The following DENND1B variants were observed in gnomAD, a reference collection of about 807,000 sequenced individuals.
DENND1B encodes DENN domain-containing protein 1B.
Under a neutral mutation model 90.1 loss-of-function variants are expected in DENND1B, and 59 were observed. The ratio of observed to expected loss-of-function variants is 0.65; its 90% CI spans 0.53 to 0.81. The LOEUF (loss-of-function observed/expected upper bound fraction) is 0.81. Among genes scored for constraint, DENND1B ranks in the 40% least tolerant of loss-of-function variants. The pLI is 0.00. For synonymous variants in DENND1B, 337 were observed against 324.6 expected (o/e 1.04, Z -0.41); for missense variants, 862 against 912.6 (o/e 0.94, Z 0.71).
At chr1:197,693,871 A>T (rs1303810575) in intron 3 of DENND1B, among the ~76,000 whole-genome samples, 2 of 151,560 alleles carry the variant, frequency 1.3e-5, no homozygotes, top group African/African-American at 2.4e-5. Flanking sequence ...ACTGTCATTA[A>T]GCCTTATAAC....
chr1:197,688,430 G>A (rs963275706), intron 3 of DENND1B, among the ~76,000 whole-genome samples: 6 of 152,092 alleles, frequency 3.9e-5, no homozygotes, highest in African/African-American at 1.4e-4. Flanking sequence ...ATATTACAAA[G>A]CTACAGTAAT....
intron 2 of DENND1B, chr1:197,735,699 G>A (rs755832311): frequency 7.4e-6 from 12 of 1,613,820 alleles, no homozygotes; most frequent in South Asian, 3.3e-5. Flanking sequence ...GAGGCGCTAC[G>A]CCAGGACCGA....
At chr1:197,654,332 C>T (rs1653568124) in intron 6 of DENND1B, among the ~76,000 whole-genome samples, 1 of 152,008 alleles carries the variant, frequency 6.6e-6, no homozygotes, top group Admixed American at 6.6e-5. Context: ...TAACTTAGGC[C>T]GGGAGTGGTG....
intron 2 of DENND1B, among the ~76,000 whole-genome samples, chr1:197,768,186 T>C (rs1655945244): frequency 6.6e-6 from 1 of 151,930 alleles, no homozygotes; most frequent in Admixed American, 6.6e-5. Flanking sequence ...CTCCTCCTCG[T>C]CCTCCTCCTT....
Position 197,639,156 on chromosome 1 carries a change from C to T in DENND1B, c.672+3555G>A, listed in dbSNP as rs1025133852. 1.6e-4 allele frequency among the ~76,000 whole-genome samples: 25 copies of T among 151,714 alleles called. 1 individual carries two copies. The highest frequency in any genetic ancestry group is 1.0e-4 in the Non-Finnish European group (7 of 67,934). On this transcript the variant is annotated intron_variant, in intron 10 of 22. Coordinates refer to ENST00000620048, the MANE Select transcript of DENND1B (RefSeq NM_001195215.2). The stretch of plus-strand genomic sequence containing the variant: ...TCGGTTCACTGCAACCTCCGTCTCC[C>T]GGGTTCAAGTGATTCTCTTGCCTCA...
rs76479564 is a variant in DENND1B, at chr1:197,636,461, A to G, written c.672+6250T>C. Reference sequence around the variant, plus strand: ...GCAAAATTGCATAAAGGTTGTAAGCATATACTTTGGAATCATACAGAACTG... The same window carrying G: ...GCAAAATTGCATAAAGGTTGTAAGCGTATACTTTGGAATCATACAGAACTG... On this transcript the variant is annotated intron_variant, in intron 10 of 22. Transcript: ENST00000620048. Among the ~76,000 whole-genome samples the G allele has an allele frequency of 6.7e-4, 102 of 152,294 alleles. No homozygotes were observed. The East Asian group carries it at 0.02, about 29-fold the overall frequency.
chr1:197,779,439 C>G (rs1657376527), upstream of DENND1B, among the ~76,000 whole-genome samples: 1 of 151,982 alleles, frequency 6.6e-6, no homozygotes, highest in Non-Finnish European at 1.5e-5. Flanking sequence ...TTTCTTGACT[C>G]TGGATTGGTG....
intron 2 of DENND1B, among the ~76,000 whole-genome samples, chr1:197,727,607 T>C (rs1661767240): frequency 6.6e-6 from 1 of 152,096 alleles, no homozygotes; most frequent in African/African-American, 2.4e-5. Context: ...AAAAATGCTA[T>C]GTATTTCTAA....
chr1:197,611,099 C>T (rs997143976), intron 12 of DENND1B, among the ~76,000 whole-genome samples: 2 of 150,682 alleles, frequency 1.3e-5, no homozygotes, highest in African/African-American at 2.4e-5. Flanking sequence ...AGAGGAAAAC[C>T]AAAGCTAACT....
intron 18 of DENND1B, among the ~76,000 whole-genome samples, chr1:197,542,182 C>CT (rs1448916683): frequency 6.6e-6 from 1 of 152,162 alleles, no homozygotes; most frequent in Non-Finnish European, 1.5e-5. Context: ...AAAGATGACT[C>CT]TGAAAACCGT....
At chr1:197,695,555 A>G (rs1421529195) in intron 3 of DENND1B, among the ~76,000 whole-genome samples, 1 of 150,962 alleles carries the variant, frequency 6.6e-6, no homozygotes, top group African/African-American at 2.4e-5. Context: ...TATATATAAT[A>G]TTCACAGGGT....
At chr1:197,693,780 A>G (rs960068883) in intron 3 of DENND1B, among the ~76,000 whole-genome samples, 2 of 151,460 alleles carry the variant, frequency 1.3e-5, no homozygotes, top group South Asian at 2.1e-4. Context: ...AGATCAGTCC[A>G]TATTTCCATA....
chr1:197,552,819 C>T (rs996584613), intron 16 of DENND1B: 2 of 1,324,826 alleles, frequency 1.5e-6, no homozygotes, highest in Admixed American at 4.1e-5. Flanking sequence ...ATTCAGGAGG[C>T]CAACTTAATG....
intron 16 of DENND1B, chr1:197,552,509 G>GCTGCATGT: frequency 1.0e-6 from 1 of 985,410 alleles, no homozygotes; most frequent in Non-Finnish European, 1.2e-6. Flanking sequence ...ATGGTAAACT[G>GCTGCATGT]GAAACTTTCT....
chr1:197,770,806 A>G (rs558605100), intron 2 of DENND1B, among the ~76,000 whole-genome samples: 1 of 138,032 alleles, frequency 7.2e-6, no homozygotes, highest in Admixed American at 7.4e-5. Context: ...ATAAATATAT[A>G]TATAAATATA....
intron 15 of DENND1B, among the ~76,000 whole-genome samples, chr1:197,578,820 C>G (rs113225064): frequency 0.024 from 3,586 of 152,080 alleles, 146 homozygotes; most frequent in African/African-American, 0.081. Flanking sequence ...CACATGTACC[C>G]TAAAACTTAA....
intron 2 of DENND1B, among the ~76,000 whole-genome samples, chr1:197,766,491 T>C (rs999295810): frequency 1.3e-5 from 2 of 152,220 alleles, no homozygotes; most frequent in African/African-American, 4.8e-5. Flanking sequence ...GGTTTTAGTA[T>C]GTATGAATGG....
At chr1:197,722,219 A>G (rs1041185378) in intron 2 of DENND1B, among the ~76,000 whole-genome samples, 1 of 152,158 alleles carries the variant, frequency 6.6e-6, no homozygotes, top group African/African-American at 2.4e-5. Flanking sequence ...TGGTATTTCA[A>G]GAAAAGGTTC....
At chr1:197,766,508 A>T (rs1655720870) in intron 2 of DENND1B, among the ~76,000 whole-genome samples, 1 of 152,230 alleles carries the variant, frequency 6.6e-6, no homozygotes, top group South Asian at 2.1e-4. Flanking sequence ...ATGGTTATAG[A>T]TGAGTTTTAA....
Sources: gnomAD v4.1 joint callset for allele counts (sites outside exome capture counted in the v4.1 genomes callset) on GRCh38, gnomAD v4.1.1 for gene constraint, MANE v1.5 for transcripts, NCBI Gene and HGNC (gene_info 2026-07-23, HGNC 2026-07-21) for gene names.